Variants in DMD observed in about 807,000 individuals in gnomAD.
DMD encodes the protein dystrophin.
Under a neutral mutation model 330.1 loss-of-function variants are expected in DMD, and 63 were observed. The observed-to-expected ratio is 0.19, with a 90% confidence interval of 0.16 to 0.24. DMD has a LOEUF of 0.24. Ranked by LOEUF, DMD falls within the 10% of genes least tolerant of loss-of-function variation. The pLI, the probability that DMD is intolerant of heterozygous loss-of-function variation, is 1.00. For synonymous variants in DMD, 1,223 were observed against 959.8 expected, an observed-to-expected ratio of 1.27 and a Z score of -5.07; for missense variants, 3,344 against 2,684.1, an observed-to-expected ratio of 1.25 and a Z score of -5.43.
At position 32,077,771 on chromosome X, in the gene DMD, TTA is replaced by T. The variant is rs2096364043; in HGVS notation, c.6439-109259_6439-109258del. On this transcript the variant is annotated intron_variant, in intron 44 of 78. Coordinates refer to ENST00000357033, the MANE Select transcript of DMD (RefSeq NM_004006.3). The stretch of plus-strand genomic sequence containing the variant: ...TGCTCTTGTCCAGATCACCAAAAAA[TTA>T]TATGTTGCCAAATCCAATAGTCACT... 3.6e-5 allele frequency among the ~76,000 whole-genome samples: 4 copies of T among 111,750 alleles called. No homozygotes were observed. In the Admixed American group the frequency reaches 3.8e-4, roughly 11 times the overall value.
chrX:32,559,543 A>G (rs1158794421), intron 16 of DMD, among the ~76,000 whole-genome samples: 1 of 111,757 alleles, frequency 8.9e-6, no homozygotes, highest in Non-Finnish European at 1.9e-5. Context: ...ACCATTTGCA[A>G]CTATATCCCC....
intron 1 of DMD, among the ~76,000 whole-genome samples, chrX:33,316,213 C>T (rs2053930658): frequency 9.1e-6 from 1 of 110,292 alleles, no homozygotes; most frequent in South Asian, 3.9e-4. Flanking sequence ...CAATTAGCTA[C>T]CAGAGACTGT....
intron 17 of DMD, among the ~76,000 whole-genome samples, chrX:32,522,536 A>G (rs1010641964): frequency 8.9e-6 from 1 of 112,053 alleles, no homozygotes; most frequent in African/African-American, 3.2e-5. Flanking sequence ...AATATACGGT[A>G]GTAAAAACAT....
At chrX:32,898,078 C>T (rs752097556) in intron 2 of DMD, among the ~76,000 whole-genome samples, 34 of 112,002 alleles carry the variant, frequency 3.0e-4, no homozygotes, top group Admixed American at 2.9e-3. Context: ...CCACGTAAGT[C>T]TTTAATTAAT....
intron 61 of DMD, among the ~76,000 whole-genome samples, chrX:31,344,551 T>G (rs1441513161): frequency 9.0e-6 from 1 of 111,237 alleles, no homozygotes; most frequent in African/African-American, 3.3e-5. Flanking sequence ...GCGCATGGTT[T>G]AAAAGAAAAG....
chrX:32,488,758 T>C (rs1407458200), intron 20 of DMD, among the ~76,000 whole-genome samples: 2 of 111,384 alleles, frequency 1.8e-5, no homozygotes, highest in Admixed American at 1.9e-4. Context: ...CATTTGTTCC[T>C]CAAATCAAGA....
At chrX:33,199,970 A>G (rs1275097419) in intron 1 of DMD, among the ~76,000 whole-genome samples, 2 of 111,919 alleles carry the variant, frequency 1.8e-5, no homozygotes, top group Non-Finnish European at 3.8e-5. Context: ...TTGAATAGAA[A>G]AATAATGAAA....
chrX:32,825,251 G>C (rs1211070128), intron 4 of DMD, among the ~76,000 whole-genome samples: 1 of 111,113 alleles, frequency 9.0e-6, no homozygotes, highest in Admixed American at 9.6e-5. Flanking sequence ...CTGACTCTGG[G>C]GAGACTTAGA....
At chrX:31,694,647 TATAC>T (rs1323294679) in intron 52 of DMD, among the ~76,000 whole-genome samples, 1,310 of 84,326 alleles carry the variant, frequency 0.016, 27 homozygotes, top group African/African-American at 0.048. Flanking sequence ...TATATATATA[TATAC>T]ACACACATAT....
At chrX:32,548,326 A>C (rs2049177655) in intron 16 of DMD, among the ~76,000 whole-genome samples, 1 of 111,820 alleles carries the variant, frequency 8.9e-6, no homozygotes. Flanking sequence ...CACCAAACAT[A>C]CAGTAATCAA....
At chrX:33,047,286 T>C (rs930232320) in intron 1 of DMD, among the ~76,000 whole-genome samples, 1 of 112,087 alleles carries the variant, frequency 8.9e-6, no homozygotes, top group Non-Finnish European at 1.9e-5. Context: ...ACATTACTGA[T>C]GTACCTAGAT....
chrX:31,472,707 A>G (rs2067388797), intron 59 of DMD, among the ~76,000 whole-genome samples: 1 of 112,317 alleles, frequency 8.9e-6, no homozygotes, highest in Admixed American at 9.5e-5. Context: ...CTGAAGATAA[A>G]TAAGGATGGC....
chrX:33,025,925 C>G (rs763664835), intron 1 of DMD, among the ~76,000 whole-genome samples: 28 of 111,342 alleles, frequency 2.5e-4, no homozygotes, highest in Non-Finnish European at 4.5e-4. Flanking sequence ...AGATCTTCAT[C>G]CCTAATGTGA....
At chrX:32,314,083 T>C (rs2097574249) in intron 41 of DMD, among the ~76,000 whole-genome samples, 1 of 111,905 alleles carries the variant, frequency 8.9e-6, no homozygotes, top group Non-Finnish European at 1.9e-5. Flanking sequence ...AGGGCCCATA[T>C]AGCCAAGAAA....
At chrX:32,776,237 C>T (rs1372942827) in intron 7 of DMD, among the ~76,000 whole-genome samples, 1 of 110,254 alleles carries the variant, frequency 9.1e-6, no homozygotes, top group Non-Finnish European at 1.9e-5. Context: ...TTCAACAAGT[C>T]TCTGGGAAAT....
intron 11 of DMD, among the ~76,000 whole-genome samples, chrX:32,615,713 A>G (rs2057511289): frequency 9.0e-6 from 1 of 111,281 alleles, no homozygotes; most frequent in African/African-American, 3.3e-5. Flanking sequence ...TTTTTAACAG[A>G]TTTAATTTTT....
Position 32,287,668 on chromosome X carries a change from G to A in DMD, c.6151C>T (p.Arg2051Trp), listed in dbSNP as rs140791274. Residue 2051 changes from arginine (R) to tryptophan (W), a missense_variant, in exon 43 of 79, where the codon CGG becomes TGG. Transcript: ENST00000357033. ...TTCTTGCTATGAATAATGTCAATCCGACCTGAGCTTTGTTGTAGACTATCT... is the reference window on the plus strand; with the variant it reads ...TTCTTGCTATGAATAATGTCAATCCAACCTGAGCTTTGTTGTAGACTATCT... Reference protein sequence around the residue: ...IKDSLQQSSGRIDIIHSKKTA... With the variant: ...IKDSLQQSSGWIDIIHSKKTA... 31 of 1,206,230 alleles carry A rather than the reference G, an allele frequency of 2.6e-5. 1 individual carries two copies. The highest frequency in any genetic ancestry group is 5.9e-5 in the East Asian group (2 of 33,683).
At position 31,627,843 on chromosome X, in the gene DMD, C is replaced by G; in HGVS notation, c.8047G>C (p.Ala2683Pro). ...IHKRVSEREA[A>P]LEETHRLLQQ... ...AGTAATCTATGAGTTTCTTCCAAAG[C>G]AGCCTCTCGCTCACTCACCCTGCAA... Residue 2683 changes from alanine to proline, a missense_variant, in exon 55 of 79, where the codon GCT (alanine) becomes CCT (proline). Transcript: ENST00000357033. The G allele has an allele frequency of 8.3e-7, 1 of 1,208,717 alleles. No individual in the cohort carries two copies.
chrX:32,341,454 G>A (rs1049736110), intron 41 of DMD, among the ~76,000 whole-genome samples: 24 of 111,823 alleles, frequency 2.1e-4, no homozygotes, highest in African/African-American at 7.8e-4. Context: ...CCATTCAGTT[G>A]TTTGAAAGAA....
Sources: gnomAD v4.1 joint callset for allele counts (sites outside exome capture counted in the v4.1 genomes callset) on GRCh38, gnomAD v4.1.1 for gene constraint, MANE v1.5 for transcripts, NCBI Gene and HGNC (gene_info 2026-07-23, HGNC 2026-07-21) for gene names.